HDGFL3: variants seen among roughly 807,000 people sequenced by gnomAD.
HDGFL3 encodes the protein HDGF like 3.
In HDGFL3, 6 loss-of-function variants were observed where a neutral mutation model predicts 27.6. That is an observed-to-expected ratio of 0.22 (90% confidence interval 0.12 to 0.43). The LOEUF is 0.43. HDGFL3 is among the 20% of genes least tolerant of loss of function. The pLI, the probability that HDGFL3 is intolerant of heterozygous loss-of-function variation, is 1.00. For synonymous variants in HDGFL3, 88 were observed against 88.9 expected (o/e 0.99, Z 0.05); for missense variants, 207 against 250.1 (o/e 0.83, Z 1.16).
At chr15:83,201,978 T>C (rs1360080845) in intron 1 of HDGFL3, among the ~76,000 whole-genome samples, 1 of 152,166 alleles carries the variant, frequency 6.6e-6, no homozygotes, top group African/African-American at 2.4e-5. Context: ...AACACCTTAC[T>C]TTATGTTGAG....
chr15:83,123,086 TGGCAA>T (rs1461575322), downstream of HDGFL3, among the ~76,000 whole-genome samples: 1 of 152,246 alleles, frequency 6.6e-6, no homozygotes, highest in Non-Finnish European at 1.5e-5. Context: ...CTGCTTCTGT[TGGCAA>T]GGCCATACTT....
chr15:83,169,497 G>C (rs1423961061), intron 1 of HDGFL3, among the ~76,000 whole-genome samples: 1 of 146,416 alleles, frequency 6.8e-6, no homozygotes, highest in African/African-American at 2.5e-5. Flanking sequence ...GCTGATGATA[G>C]AGTCTGTATC....
downstream of HDGFL3, chr15:83,124,870 A>T (rs17507693): frequency 0.22 from 246,185 of 1,108,886 alleles, 28,601 homozygotes; most frequent in African/African-American, 0.34. Flanking sequence ...TTTTTCCATC[A>T]GACTTCTTAG....
chr15:83,126,664 T>C, downstream of HDGFL3: 1 of 997,560 alleles, frequency 1.0e-6, no homozygotes, highest in Non-Finnish European at 1.5e-6. Context: ...GCAAAGCAGC[T>C]TGTGACTAAA....
At chr15:83,153,764 A>G (rs1342032634) in intron 4 of HDGFL3, among the ~76,000 whole-genome samples, 1 of 152,196 alleles carries the variant, frequency 6.6e-6, no homozygotes, top group Non-Finnish European at 1.5e-5. Context: ...ATGATTTTCC[A>G]GTATCTGCTA....
chr15:83,159,543 T>C (rs1317895272), intron 2 of HDGFL3, among the ~76,000 whole-genome samples: 1 of 151,944 alleles, frequency 6.6e-6, no homozygotes, highest in Non-Finnish European at 1.5e-5. Flanking sequence ...AGATAAAATA[T>C]ATAGTATGTG....
chr15:83,161,620 T>C (rs2037102514), intron 2 of HDGFL3, among the ~76,000 whole-genome samples: 1 of 152,198 alleles, frequency 6.6e-6, no homozygotes, highest in Admixed American at 6.5e-5. Context: ...TATGAATAAA[T>C]GATACATTTT....
intron 4 of HDGFL3, among the ~76,000 whole-genome samples, chr15:83,152,803 A>G (rs2036979805): frequency 2.0e-5 from 3 of 152,040 alleles, no homozygotes; most frequent in African/African-American, 7.2e-5. Context: ...ATGTCAGTTT[A>G]AAATGTGATT....
rs1019639862 is a variant in HDGFL3, at chr15:83,133,089, A to T, written c.*6181T>A. On this transcript the variant is annotated 3_prime_UTR_variant, in exon 6 of 6. Transcript: ENST00000299633. ...CCTCACTGAACCCTCATAACAACCT[A>T]TGAGGTGGGTTCCACACCTCACCCG... 28 of 152,178 alleles carry T rather than the reference A, an allele frequency of 1.8e-4. No homozygotes were observed. Among genetic ancestry groups the T allele is most frequent in the Admixed American group, 1.1e-3 (17 of 15,272 alleles). The allele number at this position is 152,178 out of a possible 1,614,324, so 9.4% of individuals were successfully genotyped here. A position where few individuals can be genotyped will look rare whatever the true frequency, so the allele number is the denominator to read the frequency against.
chr15:83,122,969 G>A, downstream of HDGFL3: 1 of 1,465,444 alleles, frequency 6.8e-7, no homozygotes, highest in Non-Finnish European at 9.3e-7. Flanking sequence ...TGCCTCTGTG[G>A]ACTGGAGCAT....
intron 5 of HDGFL3, among the ~76,000 whole-genome samples, chr15:83,150,585 G>C (rs923357135): frequency 2.0e-5 from 3 of 152,164 alleles, no homozygotes; most frequent in African/African-American, 7.2e-5. Context: ...TAAATGATTT[G>C]ACATTGTCTA....
chr15:83,158,088 G>GT (rs2037055662), intron 2 of HDGFL3, 47 bp from the exon 3 acceptor site: 3 of 1,506,710 alleles, frequency 2.0e-6, no homozygotes, highest in Non-Finnish European at 2.7e-6. Flanking sequence ...ACCTTCAAAG[G>GT]TAAGATATTT....
In HDGFL3 at chr15:83,136,917, C is replaced by T. The variant is rs1382477821; in HGVS notation, c.*2353G>A. The T allele has an allele frequency of 3.2e-6, 1 of 312,282 alleles. No individual in the cohort carries two copies. Among genetic ancestry groups the T allele is most frequent in the Non-Finnish European group, 5.9e-6 (1 of 170,140 alleles). The allele number at this position is 312,282 out of a possible 1,614,324, so 19.3% of individuals were successfully genotyped here. A position where few individuals can be genotyped will look rare whatever the true frequency, so the allele number is the denominator to read the frequency against. On this transcript the variant is annotated 3_prime_UTR_variant, in exon 6 of 6. Transcript: ENST00000299633. The stretch of plus-strand genomic sequence containing the variant: ...TCATTTGTGAATAAACTTGATCATC[C>T]ATCTCAATATTGTTTGACATATAAA...
chr15:83,177,439 A>G (rs988528048), intron 1 of HDGFL3, among the ~76,000 whole-genome samples: 1 of 152,234 alleles, frequency 6.6e-6, no homozygotes, highest in Non-Finnish European at 1.5e-5. Flanking sequence ...GTCCACTGTT[A>G]AGCTAGTATT....
chr15:83,119,181 C>T (rs1472137228), intron 3 of HDGFL3, among the ~76,000 whole-genome samples: 1 of 152,352 alleles, frequency 6.6e-6, no homozygotes, highest in South Asian at 2.1e-4. Context: ...TAAGGCCAGC[C>T]ACTGGTTCTG....
chr15:83,180,987 T>G (rs1036156374), intron 1 of HDGFL3: 3 of 152,086 alleles, frequency 2.0e-5, no homozygotes, highest in African/African-American at 4.8e-5. Flanking sequence ...CATGATGATA[T>G]GGAAACACCT....
intron 1 of HDGFL3, among the ~76,000 whole-genome samples, chr15:83,203,052 T>C (rs73437329): frequency 0.047 from 7,158 of 152,176 alleles, 452 homozygotes; most frequent in African/African-American, 0.14. Context: ...AAGGTAAGCA[T>C]ATGTAGATTA....
chr15:83,139,855 G>A (rs778388331), intron 5 of HDGFL3, among the ~76,000 whole-genome samples: 5 of 152,100 alleles, frequency 3.3e-5, no homozygotes, highest in South Asian at 2.1e-4. Context: ...GATGGCATCC[G>A]TGTGACAAAC....
chr15:83,151,520 A>G (rs1457015482), intron 4 of HDGFL3, among the ~76,000 whole-genome samples, 159 bp from the exon 5 acceptor site: 1 of 152,216 alleles, frequency 6.6e-6, no homozygotes, highest in Non-Finnish European at 1.5e-5. Flanking sequence ...GCTAGGTGAC[A>G]TTGGACAAAT....
Sources: allele counts gnomAD v4.1 joint callset (sites outside exome capture counted in the v4.1 genomes callset), GRCh38; gene constraint gnomAD v4.1.1; transcripts MANE v1.5; gene names NCBI Gene and HGNC (gene_info 2026-07-23, HGNC 2026-07-21).